ATP6V0D2: variants seen among roughly 807,000 people sequenced by gnomAD.
ATP6V0D2 encodes V-type proton ATPase subunit d 2.
In ATP6V0D2, 40 loss-of-function variants were observed where a neutral mutation model predicts 40.0. That is an observed-to-expected ratio of 1.00 (90% confidence interval 0.78 to 1.30). ATP6V0D2 has a LOEUF of 1.30. ATP6V0D2 is among the 50% of genes most tolerant of loss of function. ATP6V0D2 has a pLI of 0.00. For synonymous variants in ATP6V0D2, 179 were observed against 156.3 expected (o/e 1.15, Z -1.08); for missense variants, 470 against 423.1 (o/e 1.11, Z -0.97).
chr8:86,108,572 G>A (rs571837340), intron 1 of ATP6V0D2, among the ~76,000 whole-genome samples: 1 of 152,152 alleles, frequency 6.6e-6, no homozygotes, highest in Admixed American at 6.6e-5. Flanking sequence ...AAGGCAGGGG[G>A]CTGCTTGGAT....
chr8:86,118,319 C>G (rs1446496579), intron 2 of ATP6V0D2, among the ~76,000 whole-genome samples: 1 of 151,376 alleles, frequency 6.6e-6, no homozygotes, highest in Admixed American at 6.6e-5. Context: ...AGTGATCCAC[C>G]CGCCTCAGAC....
In ATP6V0D2 at chr8:86,150,273, A is replaced by G; in HGVS notation, c.801A>G (p.Val267=). Residue 267 remains valine (V), a synonymous_variant, in exon 6 of 8, where the codon GTA becomes GTG. Transcript: ENST00000285393. ...AAGACTTTGACCAGATGAAGAACGTAGCGGATCATTACGGAGTATGTGATG... is the reference window on the plus strand; with the variant it reads ...AAGACTTTGACCAGATGAAGAACGTGGCGGATCATTACGGAGTATGTGATG... The part of the protein sequence containing the change: ...QAEDFDQMKN[V]ADHYGVYKPL... 1 of 1,613,382 alleles carries G rather than the reference A, an allele frequency of 6.2e-7. No homozygotes were observed. Among genetic ancestry groups the G allele is most frequent in the Non-Finnish European group, 8.5e-7 (1 of 1,179,852 alleles).
At chr8:86,138,952 G>T (rs1427925543) in intron 2 of ATP6V0D2, among the ~76,000 whole-genome samples, 1 of 152,176 alleles carries the variant, frequency 6.6e-6, no homozygotes, top group Admixed American at 6.5e-5. Flanking sequence ...CCAGGTGCAG[G>T]CACCATGGCT....
intron 2 of ATP6V0D2, among the ~76,000 whole-genome samples, chr8:86,130,703 C>T (rs554242297): frequency 2.0e-5 from 3 of 152,166 alleles, no homozygotes; most frequent in South Asian, 2.1e-4. Flanking sequence ...TCCTGGCAGA[C>T]GCACCCTGAG....
intron 2 of ATP6V0D2, among the ~76,000 whole-genome samples, chr8:86,129,990 AAAAAAAAAG>A (rs1818799916): frequency 6.6e-6 from 1 of 151,106 alleles, no homozygotes; most frequent in African/African-American, 2.4e-5. Context: ...AAGAAAAAAA[AAAAAAAAAG>A]AAAAGAAAAG....
chr8:86,140,909 G>C (rs1285183916), intron 3 of ATP6V0D2, among the ~76,000 whole-genome samples: 4 of 152,258 alleles, frequency 2.6e-5, no homozygotes, highest in African/African-American at 9.6e-5. Flanking sequence ...AAACCAGTGA[G>C]AGCCCTGAGC....
chr8:86,151,522 C>A lies in ATP6V0D2; in HGVS notation c.873C>A (p.Asp291Glu). 1 of 1,607,398 alleles carries A rather than the reference C, an allele frequency of 6.2e-7. No individual in the cohort carries two copies. The highest frequency in any genetic ancestry group is 8.5e-7 in the Non-Finnish European group (1 of 1,177,004). Reference protein sequence around the residue: ...VGGSGGKTLEDVFYEREVQMN... With the variant: ...VGGSGGKTLEEVFYEREVQMN... ...GCAGTGGGGGAAAGACATTGGAGGACGTGTTTTACGAGCGTGAGGTATGAT... is the reference window on the plus strand; with the variant it reads ...GCAGTGGGGGAAAGACATTGGAGGAAGTGTTTTACGAGCGTGAGGTATGAT... Residue 291 changes from aspartate (D) to glutamate (E), a missense_variant, in exon 7 of 8, where the codon GAC becomes GAA. Transcript: ENST00000285393.
Position 86,099,732 on chromosome 8 carries a change from G to A in ATP6V0D2, c.130+624G>A, listed in dbSNP as rs570900406. 5.9e-5 allele frequency among the ~76,000 whole-genome samples: 9 copies of A among 152,290 alleles called. No homozygotes were observed. In the South Asian group the frequency reaches 1.9e-3, roughly 32 times the overall value. On this transcript the variant is annotated intron_variant, in intron 1 of 7. Coordinates refer to ENST00000285393, the MANE Select transcript of ATP6V0D2 (RefSeq NM_152565.1). ...TGGTCTTGAACTCCTGACCTCAGGT[G>A]ATCCGACTGCCTTGGCCTCCCAAAG...
At chr8:86,106,998 C>T (rs1037129239) in intron 1 of ATP6V0D2, among the ~76,000 whole-genome samples, 1 of 149,060 alleles carries the variant, frequency 6.7e-6, no homozygotes, top group Non-Finnish European at 1.5e-5. Context: ...ATTATGCCAC[C>T]GTACTTTAGC....
At chr8:86,137,220 C>A (rs1472233112) in intron 2 of ATP6V0D2, among the ~76,000 whole-genome samples, 1 of 152,140 alleles carries the variant, frequency 6.6e-6, no homozygotes, top group Non-Finnish European at 1.5e-5. Flanking sequence ...TCATTGCATT[C>A]TCTGATGACC....
chr8:86,098,961 G>A lies in ATP6V0D2; in HGVS notation c.-18G>A. The A allele has an allele frequency of 6.2e-7, 1 of 1,611,964 alleles. No homozygotes were observed. Among genetic ancestry groups the A allele is most frequent in the South Asian group, 1.1e-5 (1 of 90,686 alleles). On this transcript the variant is annotated 5_prime_UTR_variant, in exon 1 of 8. Coordinates refer to ENST00000285393, the MANE Select transcript of ATP6V0D2 (RefSeq NM_152565.1). ...TACAGAGCTGTTTCACCCTACCTTG[G>A]CTTCAATCTCTTCCCCCATGCTCGA...
At chr8:86,140,521 C>A (rs1428574063) in intron 3 of ATP6V0D2, among the ~76,000 whole-genome samples, 1 of 152,036 alleles carries the variant, frequency 6.6e-6, no homozygotes, top group African/African-American at 2.4e-5. Context: ...CTTTTTATAA[C>A]AGAGTTTTAA....
At chr8:86,143,544 A>T (rs1377075404) in intron 5 of ATP6V0D2, among the ~76,000 whole-genome samples, 3 of 152,188 alleles carry the variant, frequency 2.0e-5, no homozygotes, top group Non-Finnish European at 2.9e-5. Flanking sequence ...TGACATTGCC[A>T]TGGCATTTGT....
Position 86,146,552 on chromosome 8 carries a change from C to T in ATP6V0D2, c.640-3560C>T, listed in dbSNP as rs542873169. Among the ~76,000 whole-genome samples the T allele has an allele frequency of 3.9e-5, 6 of 152,160 alleles. No homozygotes were observed. The South Asian group carries it at 6.2e-4, about 16-fold the overall frequency. ...CTCTACAAAAAATACAGAAATTAAC[C>T]GGGCATGGTGGAACACACCTATAGT... is the stretch of plus-strand genomic sequence containing the variant. On this transcript the variant is annotated intron_variant, in intron 5 of 7. Transcript: ENST00000285393.
chr8:86,102,728 G>A (rs559888661), intron 1 of ATP6V0D2, among the ~76,000 whole-genome samples: 106 of 152,270 alleles, frequency 7.0e-4, no homozygotes, highest in African/African-American at 2.4e-3. Flanking sequence ...GTATTCTGAG[G>A]CCTGCCCCTG....
At chr8:86,102,979 T>C (rs1329809482) in intron 1 of ATP6V0D2, among the ~76,000 whole-genome samples, 1 of 152,208 alleles carries the variant, frequency 6.6e-6, no homozygotes, top group African/African-American at 2.4e-5. Flanking sequence ...AATAAGACTT[T>C]TGGAAATATT....
intron 2 of ATP6V0D2, among the ~76,000 whole-genome samples, chr8:86,137,309 A>G (rs1159675637): frequency 6.6e-6 from 1 of 152,092 alleles, no homozygotes; most frequent in Non-Finnish European, 1.5e-5. Flanking sequence ...ATCACTTCTT[A>G]GAACTCTCTA....
chr8:86,118,081 C>CTTTTTTTTTTTTTTTTTTTTTTTTTTTTT (rs1554587902), intron 2 of ATP6V0D2, among the ~76,000 whole-genome samples: 1 of 52,154 alleles, frequency 1.9e-5, no homozygotes, highest in Non-Finnish European at 4.2e-5. Context: ...TTCTTTCTTT[C>CTTTTTTTTTTTTTTTTTTTTTTTTTTTTT]TTTCTTTTTT....
intron 6 of ATP6V0D2, among the ~76,000 whole-genome samples, chr8:86,150,866 A>T (rs893575795): frequency 6.6e-6 from 1 of 152,134 alleles, no homozygotes; most frequent in Non-Finnish European, 1.5e-5. Context: ...CTCAGCTTCC[A>T]TTCCCTCTCA....
Sources: allele counts gnomAD v4.1 joint callset (sites outside exome capture counted in the v4.1 genomes callset), GRCh38; gene constraint gnomAD v4.1.1; transcripts MANE v1.5; gene names NCBI Gene and HGNC (gene_info 2026-07-23, HGNC 2026-07-21).